PDZD2: variants seen among roughly 807,000 people sequenced by gnomAD.
PDZD2 encodes the protein PDZ domain-containing protein 2.
A neutral mutation model predicts 220.7 loss-of-function variants in PDZD2; 90 were observed. That is an observed-to-expected ratio of 0.41 (90% confidence interval 0.34 to 0.49). The LOEUF is 0.49. Among genes scored for constraint, PDZD2 ranks in the 20% least tolerant of loss-of-function variants. PDZD2 has a pLI of 0.28. For synonymous variants in PDZD2, 1,375 were observed against 1,450.5 expected (o/e 0.95, Z 1.18); for missense variants, 3,174 against 3,608.5 (o/e 0.88, Z 3.08).
chr5:31,832,480 C>G (rs1756662920), intron 2 of PDZD2: 1 of 152,078 alleles, frequency 6.6e-6, no homozygotes, highest in South Asian at 2.1e-4. Context: ...TGGAACAATA[C>G]AGAGAAGATG....
At chr5:31,837,111 G>T (rs1756992636) in intron 2 of PDZD2, among the ~76,000 whole-genome samples, 1 of 152,116 alleles carries the variant, frequency 6.6e-6, no homozygotes, top group Non-Finnish European at 1.5e-5. Flanking sequence ...GAAGAGGAAA[G>T]GTGTACTTGA....
intron 1 of PDZD2, among the ~76,000 whole-genome samples, chr5:31,713,890 C>T (rs1748279507): frequency 6.6e-6 from 1 of 152,214 alleles, no homozygotes; most frequent in Admixed American, 6.5e-5. Flanking sequence ...TCTTGAGATG[C>T]TCACCAGATG....
intron 18 of PDZD2, among the ~76,000 whole-genome samples, chr5:32,074,903 C>A (rs1374294361): frequency 6.6e-6 from 1 of 152,004 alleles, no homozygotes; most frequent in Non-Finnish European, 1.5e-5. Flanking sequence ...CTCCGCCTCC[C>A]AGGTTCAAGC....
At chr5:31,718,708 T>A (rs1748604079) in intron 1 of PDZD2, among the ~76,000 whole-genome samples, 1 of 146,650 alleles carries the variant, frequency 6.8e-6, no homozygotes, top group Non-Finnish European at 1.5e-5. Flanking sequence ...TTTTTTTTTT[T>A]TTTTTTTTTT....
intron 1 of PDZD2, among the ~76,000 whole-genome samples, chr5:31,729,119 T>TC: frequency 6.6e-6 from 1 of 150,616 alleles, no homozygotes; most frequent in Non-Finnish European, 1.5e-5. Flanking sequence ...TTTTTTTTTT[T>TC]TGAGACAGAG....
At chr5:31,941,441 A>T (rs1746208184) in intron 2 of PDZD2, among the ~76,000 whole-genome samples, 1 of 152,234 alleles carries the variant, frequency 6.6e-6, no homozygotes, top group Non-Finnish European at 1.5e-5. Flanking sequence ...CCTGGAGGGG[A>T]AACAGAAAAT....
intron 1 of PDZD2, among the ~76,000 whole-genome samples, chr5:31,730,714 G>A (rs1017473585): frequency 6.6e-6 from 1 of 152,096 alleles, no homozygotes; most frequent in African/African-American, 2.4e-5. Flanking sequence ...GTCTTGGAAT[G>A]AGTCTCAAAA....
chr5:31,957,278 C>A (rs949908789), intron 2 of PDZD2, among the ~76,000 whole-genome samples: 3 of 152,078 alleles, frequency 2.0e-5, no homozygotes, highest in Non-Finnish European at 4.4e-5. Flanking sequence ...ACACTTAATG[C>A]CTATTGGCTC....
At chr5:31,692,644 G>C (rs1047060423) in intron 1 of PDZD2, among the ~76,000 whole-genome samples, 3 of 152,182 alleles carry the variant, frequency 2.0e-5, no homozygotes, top group South Asian at 2.1e-4. Flanking sequence ...ACCAGCTCAC[G>C]GCAGCCAGGA....
rs575339717 is a variant in PDZD2, at chr5:31,789,590, G to T, written c.-360-9299G>T. Among the ~76,000 whole-genome samples the T allele has an allele frequency of 1.4e-4, 21 of 152,258 alleles. No homozygotes were observed. In the East Asian group the frequency reaches 2.1e-3, roughly 15 times the overall value. On this transcript the variant is annotated intron_variant, in intron 1 of 24. Coordinates refer to ENST00000438447, the MANE Select transcript of PDZD2 (RefSeq NM_178140.4). Reference sequence around the variant, plus strand: ...TAGGGCTCCTTGTGAGCAATCTTTGGTACCCCCAAAATACAATACTGGAAA... The same window carrying T: ...TAGGGCTCCTTGTGAGCAATCTTTGTTACCCCCAAAATACAATACTGGAAA...
intron 2 of PDZD2, among the ~76,000 whole-genome samples, chr5:31,904,546 G>C (rs1442861150): frequency 6.6e-6 from 1 of 151,744 alleles, no homozygotes; most frequent in Admixed American, 6.6e-5. Context: ...TTATTTTTTT[G>C]AGACAGAGTC....
At chr5:31,758,270 A>G (rs1013779396) in intron 1 of PDZD2, among the ~76,000 whole-genome samples, 6 of 152,238 alleles carry the variant, frequency 3.9e-5, no homozygotes, top group African/African-American at 1.4e-4. Flanking sequence ...TGTTCAGTCC[A>G]TGAATGCTTC....
intron 2 of PDZD2, among the ~76,000 whole-genome samples, chr5:31,881,370 ATATAT>A (rs1431991447): frequency 4.9e-5 from 4 of 81,072 alleles, no homozygotes; most frequent in Non-Finnish European, 8.3e-5. Flanking sequence ...GTGTGTGTGT[ATATAT>A]TTTTTTTTTT....
chr5:32,029,411 G>C (rs569051238), intron 6 of PDZD2, among the ~76,000 whole-genome samples: 95 of 147,280 alleles, frequency 6.5e-4, no homozygotes, highest in African/African-American at 2.3e-3. Flanking sequence ...CTGAGTCAGA[G>C]ACAAATGACT....
chr5:31,697,438 G>A (rs563154157), intron 1 of PDZD2, among the ~76,000 whole-genome samples: 2 of 152,268 alleles, frequency 1.3e-5, no homozygotes, highest in South Asian at 4.1e-4. Context: ...ACTCCAGCCT[G>A]GGTAACAGAG....
intron 1 of PDZD2, among the ~76,000 whole-genome samples, chr5:31,726,645 A>T (rs555936402): frequency 6.6e-6 from 1 of 152,320 alleles, no homozygotes; most frequent in Admixed American, 6.5e-5. Context: ...ACCCCTCAGC[A>T]GATCTGGGAG....
intron 3 of PDZD2, among the ~76,000 whole-genome samples, chr5:31,987,308 A>G (rs1466685279): frequency 6.6e-6 from 1 of 152,172 alleles, no homozygotes; most frequent in African/African-American, 2.4e-5. Context: ...TTTCCCTAGG[A>G]ATCGTAATCT....
intron 2 of PDZD2, among the ~76,000 whole-genome samples, chr5:31,872,335 G>A (rs772540217): frequency 6.6e-6 from 1 of 152,148 alleles, no homozygotes; most frequent in Non-Finnish European, 1.5e-5. Context: ...ATGGGTACAG[G>A]AAGGACACAG....
At chr5:31,674,524 T>C (rs1478560755) in intron 1 of PDZD2, among the ~76,000 whole-genome samples, 1 of 152,186 alleles carries the variant, frequency 6.6e-6, no homozygotes, top group Non-Finnish European at 1.5e-5. Context: ...GAAAGCCAGA[T>C]GTCTAGAAAC....
Sources: gnomAD v4.1 joint callset for allele counts (sites outside exome capture counted in the v4.1 genomes callset) on GRCh38, gnomAD v4.1.1 for gene constraint, MANE v1.5 for transcripts, NCBI Gene and HGNC (gene_info 2026-07-23, HGNC 2026-07-21) for gene names.